The following NHS variants were observed in gnomAD, a reference collection of about 807,000 sequenced individuals.
NHS encodes NHS actin remodeling regulator, also known as actin remodeling regulator NHS.
A neutral mutation model predicts 72.5 loss-of-function variants in NHS; 5 were observed. The observed-to-expected ratio is 0.07, with a 90% CI of 0.04 to 0.14. The LOEUF (loss-of-function observed/expected upper bound fraction) is 0.14. Ranked by LOEUF, NHS falls within the 10% of genes least tolerant of loss-of-function variation. The pLI is 1.00. For synonymous variants in NHS, 464 were observed against 547.7 expected, an observed-to-expected ratio of 0.85 and a Z score of 2.13; for missense variants, 1,072 against 1,355.7, an observed-to-expected ratio of 0.79 and a Z score of 3.29.
chrX:17,502,268 T>C (rs988966263), intron 1 of NHS, among the ~76,000 whole-genome samples: 1 of 111,349 alleles, frequency 9.0e-6, no homozygotes, highest in Non-Finnish European at 1.9e-5. Flanking sequence ...GGGCAGTTCA[T>C]TGACTCTGCC....
At chrX:17,696,008 C>G (rs1048153358) in intron 3 of NHS, among the ~76,000 whole-genome samples, 2 of 108,789 alleles carry the variant, frequency 1.8e-5, no homozygotes, top group East Asian at 5.8e-4. Context: ...AGTTTAAGAT[C>G]ATTTATTTGG....
At chrX:17,665,937 G>A (rs932926123) in intron 1 of NHS, among the ~76,000 whole-genome samples, 17 of 112,005 alleles carry the variant, frequency 1.5e-4, no homozygotes, top group African/African-American at 5.5e-4. Flanking sequence ...CAATACTGTA[G>A]GCTAGAGTAG....
chrX:17,561,572 G>GCACACACACA lies in NHS; in HGVS notation c.566-126169_566-126168insACACACACAC, dbSNP rs1304131940. 2.7e-3 allele frequency among the ~76,000 whole-genome samples: 161 copies of GCACACACACA among 60,211 alleles called. 1 individual carries two copies. The highest frequency in any genetic ancestry group is 9.8e-3 in the African/African-American group (136 of 13,945). 52.3% of individuals were successfully genotyped at this position (60,211 alleles called of 115,157 possible). ...TGCAAGTGCATGCGCGCGCGCGCGCGCGCACACACACACACACACACACAC... is the reference window on the plus strand; with the variant it reads ...TGCAAGTGCATGCGCGCGCGCGCGCGCACACACACACGCACACACACACACACACACACAC... On this transcript the variant is annotated intron_variant, in intron 1 of 8. Coordinates refer to ENST00000676302, the MANE Select transcript of NHS (RefSeq NM_001291867.2).
At chrX:17,564,328 A>G (rs936029734) in intron 1 of NHS, among the ~76,000 whole-genome samples, 2 of 111,750 alleles carry the variant, frequency 1.8e-5, no homozygotes, top group African/African-American at 6.5e-5. Context: ...GCCTCTACCC[A>G]CTAGATGCCA....
chrX:17,617,140 T>C (rs1211436248), intron 1 of NHS, among the ~76,000 whole-genome samples: 1 of 111,691 alleles, frequency 9.0e-6, no homozygotes. Flanking sequence ...CACTTGAAAA[T>C]CCAGGGATGA....
chrX:17,661,079 A>G (rs781336838), intron 1 of NHS, among the ~76,000 whole-genome samples: 1 of 111,498 alleles, frequency 9.0e-6, no homozygotes, highest in Non-Finnish European at 1.9e-5. Flanking sequence ...TGTAGATGTG[A>G]CTGCCCAAAG....
At chrX:17,474,176 C>A (rs972836468) in intron 1 of NHS, among the ~76,000 whole-genome samples, 2 of 111,600 alleles carry the variant, frequency 1.8e-5, no homozygotes, top group East Asian at 5.6e-4. Flanking sequence ...AGCTTTGCCA[C>A]TGAAGATTGA....
rs773730065 is a variant in NHS, at chrX:17,728,568, T to TTTGC, written c.4223-78_4223-77insCTTG. On this transcript the variant is annotated intron_variant, in intron 7 of 8. Coordinates refer to ENST00000676302, the MANE Select transcript of NHS (RefSeq NM_001291867.2). Reference sequence around the variant, plus strand: ...TAATTTCTGTTTGTTTGTTTGTTTGTTTGTTTGTTCCCTGAGTCAGTGAAG... The same window carrying TTTGC: ...TAATTTCTGTTTGTTTGTTTGTTTGTTTGCTTGTTTGTTCCCTGAGTCAGTGAAG... The TTTGC allele has an allele frequency of 1.6e-4, 185 of 1,129,268 alleles. No individual in the cohort carries two copies. The Middle Eastern group carries it at 0.013, about 81-fold the overall frequency. 93.1% of individuals were successfully genotyped at this position (1,129,268 alleles called of 1,213,427 possible). A position where few individuals can be genotyped will look rare whatever the true frequency, so the allele number is the denominator to read the frequency against.
chrX:17,454,681 A>C (rs2064818862), intron 1 of NHS, among the ~76,000 whole-genome samples: 2 of 112,253 alleles, frequency 1.8e-5, no homozygotes, highest in South Asian at 3.7e-4. Context: ...AAATGAGTTC[A>C]GTATTAAGTT....
chrX:17,511,363 C>A (rs1038947197), intron 1 of NHS, among the ~76,000 whole-genome samples: 1 of 111,868 alleles, frequency 8.9e-6, no homozygotes, highest in African/African-American at 3.2e-5. Context: ...TCTTCTGCCC[C>A]TGTCACATAG....
In NHS at chrX:17,734,800, G is replaced by A. The variant is rs908417949; in HGVS notation, c.*2336G>A. 2 of 112,124 alleles carry A rather than the reference G, an allele frequency of 1.8e-5. No homozygotes were observed. The highest frequency in any genetic ancestry group is 3.3e-5 in the African/African-American group (1 of 30,715). 9.2% of individuals were successfully genotyped at this position (112,124 alleles called of 1,213,427 possible). A position where few individuals can be genotyped will look rare whatever the true frequency, so the allele number is the denominator to read the frequency against. On this transcript the variant is annotated 3_prime_UTR_variant, in exon 9 of 9. Transcript: ENST00000676302. ...TTTTAGGCAAATGCGATAAGAAACC[G>A]TCATTTCCAGTCACAGTAGGCGATC...
intron 1 of NHS, among the ~76,000 whole-genome samples, chrX:17,614,201 G>A (rs1047211952): frequency 8.9e-6 from 1 of 112,374 alleles, no homozygotes; most frequent in Non-Finnish European, 1.9e-5. Flanking sequence ...TTTCAGAGGC[G>A]TGGAGCTGTT....
In NHS at chrX:17,468,435, C is replaced by CT. The variant is rs111242997; in HGVS notation, c.565+92126dup. Among the ~76,000 whole-genome samples the CT allele has an allele frequency of 9.7e-3, 994 of 102,306 alleles. 55 individuals carry two copies. In the East Asian group the frequency reaches 0.19, roughly 20 times the overall value. The allele number at this position is 102,306 out of a possible 115,157, so 88.8% of individuals were successfully genotyped here. A position where few individuals can be genotyped will look rare whatever the true frequency, so the allele number is the denominator to read the frequency against. On this transcript the variant is annotated intron_variant, in intron 1 of 8. Coordinates refer to ENST00000676302, the MANE Select transcript of NHS (RefSeq NM_001291867.2). Reference sequence around the variant, plus strand: ...ATCATTTAAAGATATTGGGAGAGAGCTTTTTTTTTTTTTCTTACTGAGAAC... The same window carrying CT: ...ATCATTTAAAGATATTGGGAGAGAGCTTTTTTTTTTTTTTCTTACTGAGAAC...
intron 1 of NHS, among the ~76,000 whole-genome samples, chrX:17,491,730 G>A (rs1380290250): frequency 9.3e-6 from 1 of 107,223 alleles, no homozygotes; most frequent in Non-Finnish European, 1.9e-5. Flanking sequence ...GTTGAATTCG[G>A]CTGTGAATCC....
intron 1 of NHS, among the ~76,000 whole-genome samples, chrX:17,659,054 A>T (rs1314697368): frequency 1.8e-5 from 2 of 112,480 alleles, no homozygotes; most frequent in Non-Finnish European, 3.8e-5. Context: ...TGAATCTACC[A>T]TTCCCTAGGG....
In NHS at chrX:17,726,856, A is replaced by G; in HGVS notation, c.2750A>G (p.Gln917Arg). The change falls in exon 7 of 9, where the codon CAG (glutamine) becomes CGG (arginine). Residue 917 changes from glutamine (Q) to arginine (R), a missense_variant. By Grantham distance (43) the Gln-to-Arg change is conservative. Coordinates refer to ENST00000676302, the MANE Select transcript of NHS (RefSeq NM_001291867.2). Reference sequence around the variant, plus strand: ...AAGCAGGAACCTTCTTGGATAAACCAGAGTGAACAAGGCATTAAGGAACCT... The same window carrying G: ...AAGCAGGAACCTTCTTGGATAAACCGGAGTGAACAAGGCATTAAGGAACCT... The part of the protein sequence containing the change: ...PTKQEPSWIN[Q>R]SEQGIKEPQL... The G allele has an allele frequency of 8.3e-7, 1 of 1,211,971 alleles. No homozygotes were observed. Among genetic ancestry groups the G allele is most frequent in the Non-Finnish European group, 1.1e-6 (1 of 895,586 alleles).
chrX:17,543,661 T>C (rs1601759322), intron 1 of NHS, among the ~76,000 whole-genome samples: 1 of 112,120 alleles, frequency 8.9e-6, no homozygotes, highest in East Asian at 2.8e-4. Context: ...TGTTTTTTGT[T>C]TTTGTAGTTA....
At chrX:17,590,067 T>G (rs1350283967) in intron 1 of NHS, among the ~76,000 whole-genome samples, 4 of 112,060 alleles carry the variant, frequency 3.6e-5, no homozygotes, top group Non-Finnish European at 7.5e-5. Flanking sequence ...TCTCTGTGTG[T>G]GTGCAAGTGT....
chrX:17,386,160 C>T (rs972246154), intron 1 of NHS, among the ~76,000 whole-genome samples: 4 of 112,093 alleles, frequency 3.6e-5, no homozygotes, highest in Non-Finnish European at 5.6e-5. Context: ...TCATGTCATA[C>T]GGAATCTACC....
Sources: allele counts gnomAD v4.1 joint callset (sites outside exome capture counted in the v4.1 genomes callset), GRCh38; gene constraint gnomAD v4.1.1; transcripts MANE v1.5; gene names NCBI Gene and HGNC (gene_info 2026-07-23, HGNC 2026-07-21).